DLGAP2: variants seen among roughly 807,000 people sequenced by gnomAD.
DLGAP2 encodes the protein disks large-associated protein 2.
A neutral mutation model predicts 100.3 loss-of-function variants in DLGAP2; 26 were observed. The ratio of observed to expected loss-of-function variants is 0.26; its 90% confidence interval spans 0.19 to 0.36. The LOEUF (loss-of-function observed/expected upper bound fraction) is 0.36, where lower values mean the gene tolerates loss of function less well. DLGAP2 is among the 10% of genes least tolerant of loss of function. DLGAP2 has a pLI of 1.00. For synonymous variants in DLGAP2, 886 were observed against 630.1 expected, an observed-to-expected ratio of 1.41 and a Z score of -6.08; for missense variants, 1,858 against 1,453.2, an observed-to-expected ratio of 1.28 and a Z score of -4.53.
intron 2 of DLGAP2, among the ~76,000 whole-genome samples, chr8:1,176,553 T>G (rs1275328957): frequency 1.3e-5 from 2 of 151,774 alleles, no homozygotes; most frequent in Non-Finnish European, 2.9e-5. Context: ...AACTGGTTTA[T>G]TGACGTTGTT....
chr8:1,142,984 AGAGGCCATTT>A (rs1796547394), intron 2 of DLGAP2, among the ~76,000 whole-genome samples: 1 of 152,160 alleles, frequency 6.6e-6, no homozygotes, highest in African/African-American at 2.4e-5. Context: ...TACACAGGAT[AGAGGCCATTT>A]TTCCTGAGAT....
intron 1 of DLGAP2, among the ~76,000 whole-genome samples, chr8:762,971 C>T (rs1821125116): frequency 6.6e-6 from 1 of 152,126 alleles, no homozygotes. Context: ...GCCACTGCGC[C>T]CAGCTGACGG....
chr8:1,030,463 A>G (rs954622888), intron 2 of DLGAP2, among the ~76,000 whole-genome samples: 31 of 152,306 alleles, frequency 2.0e-4, no homozygotes, highest in Non-Finnish European at 4.3e-4. Flanking sequence ...TGGATGTGCA[A>G]TGTGGGGTGC....
At chr8:1,512,289 A>G (rs74690156) in intron 4 of DLGAP2, among the ~76,000 whole-genome samples, 3,907 of 152,310 alleles carry the variant, frequency 0.026, 65 homozygotes, top group Middle Eastern at 0.034. Context: ...AAAATAACCC[A>G]TGAATGTTAT....
At chr8:1,158,759 G>A (rs11782880) in intron 2 of DLGAP2, among the ~76,000 whole-genome samples, 73,600 of 152,082 alleles carry the variant, frequency 0.48, 18,228 homozygotes, top group African/African-American at 0.56. Flanking sequence ...GAGTCACACA[G>A]ACCCCTTGAA....
At chr8:1,060,077 C>A (rs941653717) in intron 2 of DLGAP2, among the ~76,000 whole-genome samples, 1 of 152,232 alleles carries the variant, frequency 6.6e-6, no homozygotes, top group African/African-American at 2.4e-5. Flanking sequence ...TCAAGTTCCT[C>A]CACAGGGTCA....
At chr8:1,353,540 G>C (rs903659286) in intron 3 of DLGAP2, among the ~76,000 whole-genome samples, 1 of 152,102 alleles carries the variant, frequency 6.6e-6, no homozygotes, top group Non-Finnish European at 1.5e-5. Flanking sequence ...TATAATGTTT[G>C]GTAGCTTAGC....
rs62486773 is a variant in DLGAP2 at position 1,101,798 on chromosome 8, T to G, written c.74-157053T>G. Among the ~76,000 whole-genome samples the G allele has an allele frequency of 2.1e-3, 21 of 9,828 alleles. 1 individual carries two copies. The highest frequency in any genetic ancestry group is 8.9e-3 in the East Asian group (9 of 1,010). The allele number at this position is 9,828 out of a possible 152,430, so 6.4% of individuals were successfully genotyped here. A position where few individuals can be genotyped will look rare whatever the true frequency, so the allele number is the denominator to read the frequency against. On this transcript the variant is annotated intron_variant, in intron 2 of 14. Transcript: ENST00000637795. ...ACGATGGGAAGGTCCTCGTCACCCC[T>G]GAGCCGAACACGACACGACGATGGG... is the stretch of plus-strand genomic sequence containing the variant.
chr8:1,244,753 A>G (rs1246731678), intron 2 of DLGAP2, among the ~76,000 whole-genome samples: 2 of 152,282 alleles, frequency 1.3e-5, no homozygotes, highest in Non-Finnish European at 2.9e-5. Flanking sequence ...GCAAAGCACA[A>G]GCAACAAAAG....
At chr8:926,332 G>A (rs568177392) in intron 2 of DLGAP2, among the ~76,000 whole-genome samples, 10 of 152,132 alleles carry the variant, frequency 6.6e-5, no homozygotes, top group Non-Finnish European at 1.3e-4. Flanking sequence ...CCCAGTGAGG[G>A]CTCCCCGTGT....
intron 3 of DLGAP2, among the ~76,000 whole-genome samples, chr8:1,431,537 C>G (rs1409071393): frequency 6.6e-6 from 1 of 152,204 alleles, no homozygotes; most frequent in African/African-American, 2.4e-5. Flanking sequence ...AGCTGCCTGG[C>G]GCTCAGCAGC....
intron 3 of DLGAP2, among the ~76,000 whole-genome samples, chr8:1,482,301 C>T (rs1353576396): frequency 1.3e-5 from 2 of 152,218 alleles, no homozygotes; most frequent in Non-Finnish European, 1.5e-5. Context: ...CTGGGCAGGA[C>T]AGCACCGTGG....
Position 911,941 on chromosome 8 carries a change from C to A in DLGAP2, c.73+3975C>A, listed in dbSNP as rs1253649012. On this transcript the variant is annotated intron_variant, in intron 2 of 14. Transcript: ENST00000637795. Reference sequence around the variant, plus strand: ...GCTTCCTTCCCTTGATTATTAATGACCTTCACTTCAGAATTGCAATGACAT... The same window carrying A: ...GCTTCCTTCCCTTGATTATTAATGAACTTCACTTCAGAATTGCAATGACAT... Among the ~76,000 whole-genome samples the A allele has an allele frequency of 3.3e-5, 5 of 152,304 alleles. No homozygotes were observed. The East Asian group carries it at 7.7e-4, about 24-fold the overall frequency.
At chr8:1,063,066 G>C (rs1455033316) in intron 2 of DLGAP2, among the ~76,000 whole-genome samples, 1 of 152,224 alleles carries the variant, frequency 6.6e-6, no homozygotes, top group Non-Finnish European at 1.5e-5. Context: ...TGAGAAGCCT[G>C]TGGAAACGGC....
chr8:1,544,397 T>C (rs892363494), intron 4 of DLGAP2, among the ~76,000 whole-genome samples: 4 of 152,234 alleles, frequency 2.6e-5, no homozygotes, highest in Non-Finnish European at 4.4e-5. Flanking sequence ...TGTCTTGTTC[T>C]CTTCTCACAG....
chr8:1,173,270 G>A (rs927666697), intron 2 of DLGAP2, among the ~76,000 whole-genome samples: 1 of 152,180 alleles, frequency 6.6e-6, no homozygotes, highest in East Asian at 1.9e-4. Context: ...ACCCGGCCAC[G>A]TGAGGTGTCA....
At chr8:1,512,518 C>A (rs1385320181) in intron 4 of DLGAP2, among the ~76,000 whole-genome samples, 2 of 152,106 alleles carry the variant, frequency 1.3e-5, no homozygotes, top group African/African-American at 4.8e-5. Flanking sequence ...GCCCAGAAGA[C>A]CCTCGGGTTG....
chr8:913,940 C>T (rs1490662092), intron 2 of DLGAP2, among the ~76,000 whole-genome samples: 1 of 152,050 alleles, frequency 6.6e-6, no homozygotes, highest in Non-Finnish European at 1.5e-5. Flanking sequence ...ATGCAGGCAC[C>T]TCAGACGGGT....
intron 1 of DLGAP2, among the ~76,000 whole-genome samples, chr8:866,315 C>T (rs1268134127): frequency 6.6e-6 from 1 of 152,188 alleles, no homozygotes; most frequent in Non-Finnish European, 1.5e-5. Context: ...GTGTCTTGTC[C>T]AGGAAACGTG....
Sources: gnomAD v4.1 joint callset for allele counts (sites outside exome capture counted in the v4.1 genomes callset) on GRCh38, gnomAD v4.1.1 for gene constraint, MANE v1.5 for transcripts, NCBI Gene and HGNC (gene_info 2026-07-23, HGNC 2026-07-21) for gene names.